The following SLC36A4 variants were observed in gnomAD, a reference collection of about 807,000 sequenced individuals.
SLC36A4 encodes neutral amino acid uniporter 4.
In SLC36A4, 49 loss-of-function variants were observed where a neutral mutation model predicts 50.5. The observed-to-expected ratio is 0.97, with a 90% CI of 0.77 to 1.23. The LOEUF is 1.23. Ranked by LOEUF, SLC36A4 falls within the 50% of genes most tolerant of loss-of-function variation. The pLI is 0.00. For missense variants in SLC36A4, 611 were observed against 608.4 expected (o/e 1.00, Z -0.05); for synonymous variants, 207 against 206.5 (o/e 1.00, Z -0.02).
At chr11:93,185,937 G>T (rs923258488) in intron 1 of SLC36A4, 123 bp from the exon 2 acceptor site, 49 of 797,506 alleles carry the variant, frequency 6.1e-5, no homozygotes, top group Admixed American at 5.1e-4. Flanking sequence ...TCCATCCTAA[G>T]TTAGTTCATA....
chr11:93,151,302 T>C (rs1249219558), intron 10 of SLC36A4, among the ~76,000 whole-genome samples: 1 of 151,960 alleles, frequency 6.6e-6, no homozygotes, highest in Non-Finnish European at 1.5e-5. Context: ...TAAGTACTAA[T>C]CACACTTATT....
At chr11:93,186,116 G>A (rs963562265) in intron 1 of SLC36A4, among the ~76,000 whole-genome samples, 1 of 152,166 alleles carries the variant, frequency 6.6e-6, no homozygotes, top group Non-Finnish European at 1.5e-5. Flanking sequence ...TACACCATGA[G>A]AAATGTAAAG....
chr11:93,165,630 T>C (rs1214789939), intron 8 of SLC36A4, among the ~76,000 whole-genome samples: 1 of 152,100 alleles, frequency 6.6e-6, no homozygotes, highest in Non-Finnish European at 1.5e-5. Context: ...AAATTTTGTA[T>C]AGGTTTGAAA....
At position 93,145,395 on chromosome 11, in the gene SLC36A4, G is replaced by A. The variant is rs547740056; in HGVS notation, c.*3142C>T. On this transcript the variant is annotated 3_prime_UTR_variant, in exon 11 of 11. Transcript: ENST00000326402. Reference sequence around the variant, plus strand: ...GCTAATACAGACTTGTTTTCATTTGGTAACATCATCTAAACTGGTTTTTAA... The same window carrying A: ...GCTAATACAGACTTGTTTTCATTTGATAACATCATCTAAACTGGTTTTTAA... 5.3e-5 allele frequency: 8 copies of A among 151,994 alleles called. No homozygotes were observed. The highest frequency in any genetic ancestry group is 1.9e-4 in the African/African-American group (8 of 41,412). 9.4% of individuals were successfully genotyped at this position (151,994 alleles called of 1,614,324 possible).
At chr11:93,172,070 AAT>A (rs1431297484) in intron 6 of SLC36A4, among the ~76,000 whole-genome samples, 1 of 152,066 alleles carries the variant, frequency 6.6e-6, no homozygotes, top group African/African-American at 2.4e-5. Context: ...TCTGCCAGAA[AAT>A]GTGTATAAGA....
At chr11:93,166,487 T>C (rs1309653585) in intron 7 of SLC36A4, 1 of 841,794 alleles carries the variant, frequency 1.2e-6, no homozygotes, top group African/African-American at 1.8e-5. Flanking sequence ...CTTATAGCTC[T>C]GCTGCTGCCC....
intron 6 of SLC36A4, among the ~76,000 whole-genome samples, chr11:93,178,011 T>C (rs910961927): frequency 6.6e-6 from 1 of 152,156 alleles, no homozygotes; most frequent in Admixed American, 6.5e-5. Context: ...TGAGCTGCGG[T>C]GGGCTCCACC....
intron 6 of SLC36A4, among the ~76,000 whole-genome samples, chr11:93,176,197 A>C (rs1861462566): frequency 1.3e-5 from 2 of 152,080 alleles, no homozygotes; most frequent in South Asian, 4.1e-4. Flanking sequence ...ATTTACCACT[A>C]TGTAATGGCC....
intron 2 of SLC36A4, 198 bp downstream of exon 2, chr11:93,185,493 A>G (rs1339159399): frequency 2.5e-6 from 1 of 401,326 alleles, no homozygotes; most frequent in African/African-American, 2.1e-5. Context: ...GTTACGCATC[A>G]TCACTCCAGT....
chr11:93,148,330 T>C lies in SLC36A4; in HGVS notation c.*207A>G. ...TTTCAATTTTCAGAACTTAATTTTT[T>C]GAACTATTGCTAACACTTAAAAGCA... is the stretch of plus-strand genomic sequence containing the variant. On this transcript the variant is annotated 3_prime_UTR_variant, in exon 11 of 11. Transcript: ENST00000326402. 2.6e-6 allele frequency: 1 copy of C among 386,250 alleles called. No individual in the cohort carries two copies. Among genetic ancestry groups the C allele is most frequent in the Non-Finnish European group, 4.5e-6 (1 of 220,076 alleles). 23.9% of individuals were successfully genotyped at this position (386,250 alleles called of 1,614,324 possible). A position where few individuals can be genotyped will look rare whatever the true frequency, so the allele number is the denominator to read the frequency against.
intron 7 of SLC36A4, chr11:93,167,290 G>C (rs1371067274): frequency 6.6e-6 from 1 of 152,004 alleles, no homozygotes; most frequent in African/African-American, 2.4e-5. Flanking sequence ...CCTTTTTTGT[G>C]TCTTTGACAC....
intron 6 of SLC36A4, among the ~76,000 whole-genome samples, chr11:93,173,802 CTA>C (rs2134673878): frequency 8.7e-6 from 1 of 114,490 alleles, no homozygotes; most frequent in East Asian, 2.5e-4. Flanking sequence ...TTCCATTGAT[CTA>C]TATCTCTGTT....
At chr11:93,186,663 C>A (rs1861995388) in intron 1 of SLC36A4, among the ~76,000 whole-genome samples, 1 of 152,100 alleles carries the variant, frequency 6.6e-6, no homozygotes, top group Non-Finnish European at 1.5e-5. Context: ...ATTCTTTCTA[C>A]TTTGACAATA....
rs1039071022 is a variant in SLC36A4 at position 93,146,103 on chromosome 11, T to C, written c.*2434A>G. The C allele has an allele frequency of 6.6e-6, 1 of 152,064 alleles. No individual in the cohort carries two copies. Among genetic ancestry groups the C allele is most frequent in the Non-Finnish European group, 1.5e-5 (1 of 67,972 alleles). The allele number at this position is 152,064 out of a possible 1,614,324, so 9.4% of individuals were successfully genotyped here. A position where few individuals can be genotyped will look rare whatever the true frequency, so the allele number is the denominator to read the frequency against. On this transcript the variant is annotated 3_prime_UTR_variant, in exon 11 of 11. Coordinates refer to ENST00000326402, the MANE Select transcript of SLC36A4 (RefSeq NM_152313.4). Reference sequence around the variant, plus strand: ...CTGGATGTTGATTCACCATTCTTATTGCTAAAGGAAGCCTGATTGATAATA... The same window carrying C: ...CTGGATGTTGATTCACCATTCTTATCGCTAAAGGAAGCCTGATTGATAATA...
intron 10 of SLC36A4, chr11:93,152,256 A>G (rs1860125496): frequency 6.6e-6 from 1 of 152,136 alleles, no homozygotes; most frequent in Admixed American, 6.6e-5. Context: ...CTCTACAAAC[A>G]TGACAAAGTC....
At chr11:93,176,325 T>A (rs1861468908) in intron 6 of SLC36A4, among the ~76,000 whole-genome samples, 1 of 151,432 alleles carries the variant, frequency 6.6e-6, no homozygotes. Context: ...ATCCTTTTAT[T>A]TTGAGCCTAT....
intron 9 of SLC36A4, chr11:93,160,607 C>T (rs1384089309): frequency 6.1e-6 from 6 of 985,208 alleles, no homozygotes; most frequent in African/African-American, 1.7e-5. Flanking sequence ...GTCTTATTCT[C>T]GCCCACTATT....
chr11:93,159,543 C>G (rs1860525286), intron 9 of SLC36A4, among the ~76,000 whole-genome samples: 1 of 152,126 alleles, frequency 6.6e-6, no homozygotes. Context: ...TTAGCTCTGT[C>G]AAGAAGTCAT....
At chr11:93,150,732 T>C (rs796994937) in intron 10 of SLC36A4, among the ~76,000 whole-genome samples, 6 of 152,208 alleles carry the variant, frequency 3.9e-5, no homozygotes, top group African/African-American at 1.4e-4. Flanking sequence ...TAGGGAGCTA[T>C]AGAGCATAAC....
Sources: gnomAD v4.1 joint callset for allele counts (sites outside exome capture counted in the v4.1 genomes callset) on GRCh38, gnomAD v4.1.1 for gene constraint, MANE v1.5 for transcripts, NCBI Gene and HGNC (gene_info 2026-07-23, HGNC 2026-07-21) for gene names.